PCDHGA2: variants seen among roughly 807,000 people sequenced by gnomAD.
The protein encoded by PCDHGA2 is protocadherin gamma-A2.
In PCDHGA2, 40 loss-of-function variants were observed where a neutral mutation model predicts 59.2. The observed-to-expected ratio is 0.68, with a 90% CI of 0.52 to 0.88. PCDHGA2 has a LOEUF of 0.88. Among genes scored for constraint, PCDHGA2 ranks in the 40% least tolerant of loss-of-function variants. PCDHGA2 has a pLI of 0.00. For synonymous variants in PCDHGA2, 560 were observed against 526.0 expected (o/e 1.06, Z -0.89); for missense variants, 1,226 against 1,204.0 (o/e 1.02, Z -0.27).
chr5:141,339,503 T>C lies in PCDHGA2; in HGVS notation c.532T>C (p.Phe178Leu). The C allele has an allele frequency of 6.2e-7, 1 of 1,614,152 alleles. No homozygotes were observed. Among genetic ancestry groups the C allele is most frequent in the Non-Finnish European group, 8.5e-7 (1 of 1,180,024 alleles). The change falls in exon 1 of 4, where the codon TTC becomes CTC. Residue 178 changes from phenylalanine to leucine, a missense_variant. Phe to Leu is a conservative substitution (Grantham distance 22). Transcript: ENST00000394576. The stretch of plus-strand genomic sequence containing the variant: ...GTACGCACTCAACCCAAATGACCAC[T>C]TCTCCCTGGACGTGCGAAGGGGAGC... ...QKYALNPNDHFSLDVRRGADG... is the reference protein window; with the variant it reads ...QKYALNPNDHLSLDVRRGADG...
chr5:141,366,358 C>G (rs746214325), intron 1 of PCDHGA2: 8 of 1,614,016 alleles, frequency 5.0e-6, no homozygotes, highest in Non-Finnish European at 6.8e-6. Context: ...CTGACCTAGG[C>G]AGTATCAAGA....
At chr5:141,344,162 C>T (rs757892245) in intron 1 of PCDHGA2, 1 of 1,614,036 alleles carries the variant, frequency 6.2e-7, no homozygotes, top group Non-Finnish European at 8.5e-7. Context: ...ATAAAGGTTC[C>T]TTCGTGGGCA....
At chr5:141,362,972 A>G (rs1422229452) in intron 1 of PCDHGA2, among the ~76,000 whole-genome samples, 1 of 152,258 alleles carries the variant, frequency 6.6e-6, no homozygotes, top group African/African-American at 2.4e-5. Flanking sequence ...CAAAGAAGAA[A>G]GACTTTTGCA....
intron 1 of PCDHGA2, chr5:141,408,336 C>T: frequency 6.2e-7 from 1 of 1,613,910 alleles, no homozygotes; most frequent in Non-Finnish European, 8.5e-7. Flanking sequence ...GCCAAGGGCT[C>T]GGTGGTGGGG....
chr5:141,483,133 T>C (rs1263073911), intron 1 of PCDHGA2, among the ~76,000 whole-genome samples: 25 of 152,142 alleles, frequency 1.6e-4, no homozygotes, highest in South Asian at 1.2e-3. Flanking sequence ...GGAGATGAGG[T>C]GAAGCAAGTA....
chr5:141,369,203 TG>T (rs1766087260), intron 1 of PCDHGA2, among the ~76,000 whole-genome samples: 1 of 152,170 alleles, frequency 6.6e-6, no homozygotes, highest in Non-Finnish European at 1.5e-5. Context: ...GATGGTAAAC[TG>T]GGGACCAAGG....
At chr5:141,379,059 G>A (rs1775341462) in intron 1 of PCDHGA2, 1 of 152,158 alleles carries the variant, frequency 6.6e-6, no homozygotes, top group Admixed American at 6.5e-5. Context: ...GAATGGATTG[G>A]CCACTTGTGC....
chr5:141,416,169 TAA>T (rs1350204040), intron 1 of PCDHGA2: 1 of 152,706 alleles, frequency 6.5e-6, no homozygotes, highest in African/African-American at 2.4e-5. Flanking sequence ...TTGAATATAC[TAA>T]GTTTTTCATT....
intron 2 of PCDHGA2, among the ~76,000 whole-genome samples, chr5:141,500,046 T>C (rs959260262): frequency 1.3e-5 from 2 of 152,098 alleles, no homozygotes; most frequent in African/African-American, 4.8e-5. Context: ...TTAAGTATCT[T>C]AATGCTCTTT....
At chr5:141,365,464 A>G in intron 1 of PCDHGA2, 3 of 1,614,072 alleles carry the variant, frequency 1.9e-6, no homozygotes, top group Non-Finnish European at 2.5e-6. Flanking sequence ...ATTCTGGAGA[A>G]AATGGTGAGA....
At chr5:141,419,227 C>G in intron 1 of PCDHGA2, 1 of 1,614,024 alleles carries the variant, frequency 6.2e-7, no homozygotes, top group South Asian at 1.1e-5. Flanking sequence ...GACAGTCAGC[C>G]TACCTGGTCC....
At chr5:141,399,080 G>A (rs1385144710) in intron 1 of PCDHGA2, 2 of 1,613,696 alleles carry the variant, frequency 1.2e-6, no homozygotes, top group Non-Finnish European at 1.7e-6. Flanking sequence ...GTAGAAGGGA[G>A]GGATGGTGGT....
rs1304750292 is a variant in PCDHGA2 at position 141,383,376 on chromosome 5, T to A, written c.2424+41981T>A. 7 of 1,613,980 alleles carry A rather than the reference T, an allele frequency of 4.3e-6. No homozygotes were observed. Among genetic ancestry groups the A allele is most frequent in the Non-Finnish European group, 5.1e-6 (6 of 1,179,894 alleles). ...GGTTTCCGTTAAGCGAGGCTGGGGA[T>A]CCAGATGTGGGCACGAACTCCCTCC... is the stretch of plus-strand genomic sequence containing the variant. On this transcript the variant is annotated intron_variant, in intron 1 of 3. Coordinates refer to ENST00000394576, the MANE Select transcript of PCDHGA2 (RefSeq NM_018915.4).
chr5:141,478,017 T>C lies in PCDHGA2; in HGVS notation c.2425-16790T>C, dbSNP rs776415195. ...GGTCAAATCAGTACTGCCCGTCCAG[T>C]CCAAGACACAGATTCACCCAGGCAG... On this transcript the variant is annotated intron_variant, in intron 1 of 3. Transcript: ENST00000394576. 15 of 1,613,910 alleles carry C rather than the reference T, an allele frequency of 9.3e-6. No homozygotes were observed. In the African/African-American group the frequency reaches 1.9e-4, roughly 20 times the overall value.
rs61612330 is a variant in PCDHGA2 at position 141,454,796 on chromosome 5, ATTTTTTTT to A, written c.2425-39989_2425-39982del. Reference sequence around the variant, plus strand: ...AAGGAAATAATCCTCCATGGTTCTAATTTTTTTTTTTTTTTTTTTTTTTTTTTTTGAGA... The same window carrying A: ...AAGGAAATAATCCTCCATGGTTCTAATTTTTTTTTTTTTTTTTTTTTGAGA... On this transcript the variant is annotated intron_variant, in intron 1 of 3. Transcript: ENST00000394576. Among the ~76,000 whole-genome samples, 398 of 77,454 alleles carry A rather than the reference ATTTTTTTT, an allele frequency of 5.1e-3. 2 individuals are homozygous for A. The highest frequency in any genetic ancestry group is 0.021 in the African/African-American group (363 of 16,886). 50.8% of individuals were successfully genotyped at this position (77,454 alleles called of 152,430 possible).
intron 1 of PCDHGA2, among the ~76,000 whole-genome samples, chr5:141,369,231 A>T (rs1421250665): frequency 1.3e-5 from 2 of 152,188 alleles, no homozygotes; most frequent in Non-Finnish European, 2.9e-5. Context: ...GGACAGGAAG[A>T]TTACTTATAT....
At chr5:141,357,174 C>T (rs1207950942) in intron 1 of PCDHGA2, 1 of 1,613,676 alleles carries the variant, frequency 6.2e-7, no homozygotes, top group Non-Finnish European at 8.5e-7. Context: ...CGGCCACCGT[C>T]ACACTCACTG....
chr5:141,478,387 C>T, intron 1 of PCDHGA2: 1 of 1,613,642 alleles, frequency 6.2e-7, no homozygotes, highest in Non-Finnish European at 8.5e-7. Context: ...CGCACCTTTA[C>T]CATCAGGTGT....
At chr5:141,355,533 A>C in intron 1 of PCDHGA2, 1 of 1,614,070 alleles carries the variant, frequency 6.2e-7, no homozygotes, top group Non-Finnish European at 8.5e-7. Flanking sequence ...TTCTTCTAGA[A>C]GATACAGTGA....
Sources: gnomAD v4.1 joint callset for allele counts (sites outside exome capture counted in the v4.1 genomes callset) on GRCh38, gnomAD v4.1.1 for gene constraint, MANE v1.5 for transcripts, NCBI Gene and HGNC (gene_info 2026-07-23, HGNC 2026-07-21) for gene names.